Variants in SMCO4 observed in about 807,000 individuals in gnomAD.
SMCO4 encodes the protein single-pass membrane protein with coiled-coil domains 4.
SMCO4 carries 4 observed loss-of-function variants against 3.6 expected under a neutral mutation model. The observed-to-expected ratio is 1.11, with a 90% CI of 0.54 to 2.53. The LOEUF (loss-of-function observed/expected upper bound fraction) is 2.53, where lower values mean the gene tolerates loss of function less well. SMCO4 is among the 30% of genes most tolerant of loss of function. SMCO4 has a pLI of 0.02. For missense variants in SMCO4, 70 were observed against 80.8 expected, an observed-to-expected ratio of 0.87 and a Z score of 0.51; for synonymous variants, 36 against 35.3, an observed-to-expected ratio of 1.02 and a Z score of -0.07.
chr11:93,486,371 A>G (rs534440699), intron 2 of SMCO4, among the ~76,000 whole-genome samples: 118 of 152,326 alleles, frequency 7.7e-4, no homozygotes, highest in Admixed American at 7.1e-3. Context: ...ACACAGATCA[A>G]GAGTCCAAGC....
At chr11:93,516,508 G>A (rs1194777760) in intron 1 of SMCO4, among the ~76,000 whole-genome samples, 1 of 152,186 alleles carries the variant, frequency 6.6e-6, no homozygotes, top group African/African-American at 2.4e-5. Context: ...GAGAGAGATC[G>A]TCTAGGCGTG....
chr11:93,488,233 TC>T (rs1322132511), intron 2 of SMCO4, among the ~76,000 whole-genome samples: 2 of 152,174 alleles, frequency 1.3e-5, no homozygotes, highest in Non-Finnish European at 2.9e-5. Flanking sequence ...AGGCGGGGCA[TC>T]CCTTGCATGT....
intron 2 of SMCO4, among the ~76,000 whole-genome samples, chr11:93,497,274 G>A (rs900129751): frequency 1.3e-5 from 2 of 152,196 alleles, no homozygotes; most frequent in African/African-American, 4.8e-5. Context: ...TTGACTGATA[G>A]AAACCATTTG....
chr11:93,497,277 AC>A lies in SMCO4; in HGVS notation c.-81+1998del, dbSNP rs1948785728. Among the ~76,000 whole-genome samples, 3 of 152,292 alleles carry A rather than the reference AC, an allele frequency of 2.0e-5. No homozygotes were observed. The South Asian group carries it at 6.2e-4, about 32-fold the overall frequency. ...TGCTCTGCTGCCTTGACTGATAGAA[AC>A]CATTTGCAATGATTTAAAAGAGAAG... On this transcript the variant is annotated intron_variant, in intron 2 of 2. Coordinates refer to ENST00000298966, the MANE Select transcript of SMCO4 (RefSeq NM_020179.3).
At chr11:93,494,262 CTAAA>C (rs1948750853) in intron 2 of SMCO4, among the ~76,000 whole-genome samples, 1 of 152,202 alleles carries the variant, frequency 6.6e-6, no homozygotes, top group South Asian at 2.1e-4. Context: ...GACGATGCAT[CTAAA>C]TTTCATACCT....
At chr11:93,484,147 C>T (rs549328566) in intron 2 of SMCO4, among the ~76,000 whole-genome samples, 30 of 152,316 alleles carry the variant, frequency 2.0e-4, no homozygotes, top group African/African-American at 7.0e-4. Context: ...CCACGGCAAC[C>T]GGTCAGCATG....
chr11:93,535,742 A>G, intron 1 of SMCO4: 1 of 1,613,724 alleles, frequency 6.2e-7, no homozygotes, highest in Non-Finnish European at 8.5e-7. Context: ...GCTAACATGG[A>G]TGGGCTGAAG....
chr11:93,544,950 G>A (rs1174370281), upstream of SMCO4, among the ~76,000 whole-genome samples: 2 of 152,284 alleles, frequency 1.3e-5, no homozygotes, highest in African/African-American at 4.8e-5. Flanking sequence ...AGGGGAACAC[G>A]CGTGTGTGAG....
In SMCO4 at chr11:93,479,023, G is replaced by C. The variant is rs763569568; in HGVS notation, c.167C>G (p.Thr56Ser). 4 of 1,607,632 alleles carry C rather than the reference G, an allele frequency of 2.5e-6. No individual in the cohort carries two copies. In the East Asian group the frequency reaches 8.9e-5, roughly 36 times the overall value. Residue 56 changes from threonine (T) to serine (S), a missense_variant, in exon 3 of 3, where the codon ACC becomes AGC. Thr to Ser is a moderately conservative substitution (Grantham distance 58). Coordinates refer to ENST00000298966, the MANE Select transcript of SMCO4 (RefSeq NM_020179.3). ...VVFVYVATRP[T>S]ITE ...CGGCTGCGGGGCTCACTCGGTGATG[G>C]TGGGGCGCGTGGCCACGTACACAAA...
intron 1 of SMCO4, among the ~76,000 whole-genome samples, chr11:93,542,958 C>T (rs1309982912): frequency 2.0e-5 from 3 of 152,070 alleles, no homozygotes; most frequent in Admixed American, 6.5e-5. Context: ...ACTTCCCGCC[C>T]GGCCCCGCGG....
At chr11:93,552,789 C>G in the SMCO4 span, among the ~76,000 whole-genome samples, 3 of 152,070 alleles carry the variant, frequency 2.0e-5, no homozygotes, top group Non-Finnish European at 2.9e-5. Context: ...TTACTTTTAA[C>G]AGGACTTTGT....
intron 1 of SMCO4, among the ~76,000 whole-genome samples, chr11:93,524,133 T>C (rs903404925): frequency 6.6e-6 from 1 of 152,160 alleles, no homozygotes; most frequent in African/African-American, 2.4e-5. Context: ...TTACAACACA[T>C]TGAGCCTGGG....
the SMCO4 span, among the ~76,000 whole-genome samples, chr11:93,553,606 G>C: frequency 6.6e-6 from 1 of 152,188 alleles, no homozygotes; most frequent in Non-Finnish European, 1.5e-5. Flanking sequence ...TAAAATTACA[G>C]TGTTAGTAGA....
intron 2 of SMCO4, among the ~76,000 whole-genome samples, chr11:93,491,583 G>A (rs1948718076): frequency 1.3e-5 from 2 of 152,206 alleles, no homozygotes; most frequent in Admixed American, 1.3e-4. Flanking sequence ...CAAGTAAGTG[G>A]TGAGACACAG....
At position 93,481,500 on chromosome 11, in the gene SMCO4, G is replaced by A. The variant is rs576946490; in HGVS notation, c.-80-2231C>T. On this transcript the variant is annotated intron_variant, in intron 2 of 2. Transcript: ENST00000298966. ...CAGGGCTTGGCACAGAGCGGGCGGCGAATTCGTGCTAGCTGACATACCAAC... is the reference window on the plus strand; with the variant it reads ...CAGGGCTTGGCACAGAGCGGGCGGCAAATTCGTGCTAGCTGACATACCAAC... 7.8e-5 allele frequency: 77 copies of A among 985,354 alleles called. No individual in the cohort carries two copies. In the South Asian group the frequency reaches 1.4e-3, roughly 17 times the overall value. The allele number at this position is 985,354 out of a possible 1,614,324, so 61.0% of individuals were successfully genotyped here.
intron 1 of SMCO4, among the ~76,000 whole-genome samples, chr11:93,506,440 C>CTTTTT (rs35870051): frequency 2.1e-5 from 3 of 139,774 alleles, no homozygotes; most frequent in African/African-American, 2.6e-5. Context: ...ACACACACAG[C>CTTTTT]TTTTTTTTTT....
rs1264382575 is a variant in SMCO4 at position 93,514,449 on chromosome 11, CTAAG to C, written c.-153-15105_-153-15102del. 7.1e-4 allele frequency among the ~76,000 whole-genome samples: 96 copies of C among 134,610 alleles called. 1 individual carries two copies. Among genetic ancestry groups the C allele is most frequent in the African/African-American group, 2.6e-3 (92 of 35,752 alleles). The allele number at this position is 134,610 out of a possible 152,430, so 88.3% of individuals were successfully genotyped here. A position where few individuals can be genotyped will look rare whatever the true frequency, so the allele number is the denominator to read the frequency against. ...AATTTGGTCTCTTCCAAAGATCACC[CTAAG>C]TGTGTAATTCCTGACATCAATTCCC... On this transcript the variant is annotated intron_variant, in intron 1 of 2. Transcript: ENST00000298966.
Position 93,534,215 on chromosome 11 carries a change from TACACACACACAC to T in SMCO4, c.-154+9049_-154+9060del, listed in dbSNP as rs71064754. Among the ~76,000 whole-genome samples, 54 of 128,416 alleles carry T rather than the reference TACACACACACAC, an allele frequency of 4.2e-4. 5 individuals carry two copies. The highest frequency in any genetic ancestry group is 1.1e-3 in the Admixed American group (13 of 11,940). 84.2% of individuals were successfully genotyped at this position (128,416 alleles called of 152,430 possible). On this transcript the variant is annotated intron_variant, in intron 1 of 2. Transcript: ENST00000298966. ...CAAAAAAAAAAAAAAAATATATATA[TACACACACACAC>T]ACACACACACACACACACACACACA...
intron 2 of SMCO4, among the ~76,000 whole-genome samples, chr11:93,489,081 A>G (rs2608277): frequency 0.69 from 104,785 of 151,896 alleles, 36,634 homozygotes; most frequent in East Asian, 0.99. Flanking sequence ...GACAGAAGGC[A>G]GTGAGAGCAA....
Sources: allele counts gnomAD v4.1 joint callset (sites outside exome capture counted in the v4.1 genomes callset), GRCh38; gene constraint gnomAD v4.1.1; transcripts MANE v1.5; gene names NCBI Gene and HGNC (gene_info 2026-07-23, HGNC 2026-07-21).